SLC4A8: variants seen among roughly 807,000 people sequenced by gnomAD.
SLC4A8 encodes the protein electroneutral sodium bicarbonate exchanger 1.
A neutral mutation model predicts 125.0 loss-of-function variants in SLC4A8; 40 were observed. The observed-to-expected ratio is 0.32, with a 90% CI of 0.25 to 0.42. The LOEUF is 0.42. Ranked by LOEUF, SLC4A8 falls within the 10% of genes least tolerant of loss-of-function variation. The pLI, the probability that SLC4A8 is intolerant of heterozygous loss-of-function variation, is 1.00. For synonymous variants in SLC4A8, 456 were observed against 476.0 expected, an observed-to-expected ratio of 0.96 and a Z score of 0.55; for missense variants, 863 against 1,355.1, an observed-to-expected ratio of 0.64 and a Z score of 5.70.
chr12:51,393,960 T>C lies in SLC4A8; in HGVS notation c.-112+2472T>C, dbSNP rs148767538. 1.8e-3 allele frequency among the ~76,000 whole-genome samples: 267 copies of C among 152,326 alleles called. 1 individual carries two copies. Among genetic ancestry groups the C allele is most frequent in the Middle Eastern group, 0.01 (3 of 294 alleles). On this transcript the variant is annotated intron_variant, in intron 1 of 24. Transcript: ENST00000358657. ...GAATGAGGGCACTTCCTGTGGAAGA[T>C]TGTGGGATGCTGCCCCTCATGTCTC...
At chr12:51,452,331 G>C (rs550931077) in intron 4 of SLC4A8, 72 bp downstream of exon 4, 16 of 1,520,168 alleles carry the variant, frequency 1.1e-5, no homozygotes, top group Non-Finnish European at 1.4e-5. Context: ...CAAGTGACAG[G>C]CCTGCCTGCC....
Position 51,418,857 on chromosome 12 carries a change from T to G in SLC4A8, c.-111-21851T>G, listed in dbSNP as rs373615089. On this transcript the variant is annotated intron_variant, in intron 1 of 24. Transcript: ENST00000358657. ...ATCTATGTCAGATAATGTGCTTCAGTAATAGTTATTTTCAGAACTCCATGG... is the reference window on the plus strand; with the variant it reads ...ATCTATGTCAGATAATGTGCTTCAGGAATAGTTATTTTCAGAACTCCATGG... Among the ~76,000 whole-genome samples, 6 of 152,330 alleles carry G rather than the reference T, an allele frequency of 3.9e-5. No individual in the cohort carries two copies. The South Asian group carries it at 1.0e-3, about 26-fold the overall frequency.
At chr12:51,445,660 TC>T (rs1219076902) in intron 2 of SLC4A8, among the ~76,000 whole-genome samples, 2 of 151,938 alleles carry the variant, frequency 1.3e-5, no homozygotes. Context: ...CACTTGATCT[TC>T]CCCCTTCTTG....
Position 51,494,971 on chromosome 12 carries a change from G to A in SLC4A8, c.2796G>A (p.Gly932=). The A allele has an allele frequency of 6.2e-7, 1 of 1,614,126 alleles. No homozygotes were observed. Among genetic ancestry groups the A allele is most frequent in the Non-Finnish European group, 8.5e-7 (1 of 1,179,996 alleles). ...TCTTTGATCGTCTAAAGCTCTTTGG[G>A]ATGCCCGCAAAGCACCAGCCAGATT... ...IQFFDRLKLF[G]MPAKHQPDFI... The change falls in exon 21 of 25, where the codon GGG becomes GGA. Residue 932 remains glycine, a synonymous_variant. Coordinates refer to ENST00000453097, the MANE Select transcript of SLC4A8 (RefSeq NM_001039960.3).
chr12:51,448,815 C>T (rs1949872415), intron 2 of SLC4A8, among the ~76,000 whole-genome samples: 1 of 152,044 alleles, frequency 6.6e-6, no homozygotes, highest in South Asian at 2.1e-4. Flanking sequence ...GGGTCAGAAG[C>T]CATATGCAGA....
At chr12:51,487,245 T>C (rs1565815300) in intron 17 of SLC4A8, among the ~76,000 whole-genome samples, 1 of 152,198 alleles carries the variant, frequency 6.6e-6, no homozygotes, top group Non-Finnish European at 1.5e-5. Flanking sequence ...CTCCCTATTG[T>C]ATCACATGGC....
At chr12:51,478,479 A>G (rs1365077976) in intron 16 of SLC4A8, among the ~76,000 whole-genome samples, 7 of 152,106 alleles carry the variant, frequency 4.6e-5, no homozygotes, top group Non-Finnish European at 1.0e-4. Flanking sequence ...TTTATATGAT[A>G]TTATAAAAGA....
At chr12:51,444,935 A>T (rs1949725159) in intron 2 of SLC4A8, among the ~76,000 whole-genome samples, 1 of 152,132 alleles carries the variant, frequency 6.6e-6, no homozygotes, top group Non-Finnish European at 1.5e-5. Context: ...AGCCCAGTGG[A>T]AGTATTTGGA....
Position 51,469,802 on chromosome 12 carries a change from A to G in SLC4A8, c.1524+14A>G, listed in dbSNP as rs1218153093. The G allele has an allele frequency of 6.2e-7, 1 of 1,613,208 alleles. No homozygotes were observed. The highest frequency in any genetic ancestry group is 8.5e-7 in the Non-Finnish European group (1 of 1,179,378). On this transcript the variant is annotated intron_variant, in intron 12 of 24. Transcript: ENST00000453097. ...GAGGGACGCATAGTAAGGACTTTTA[A>G]CCACTTCTAATGATCCCAAACAAGA...
intron 5 of SLC4A8, among the ~76,000 whole-genome samples, chr12:51,456,526 A>G (rs1950155676): frequency 1.3e-5 from 2 of 152,316 alleles, no homozygotes; most frequent in South Asian, 4.1e-4. Flanking sequence ...TAAAGTGCCT[A>G]AAAGGAAATC....
intron 9 of SLC4A8, chr12:51,462,078 C>A (rs1950344145): frequency 2.0e-6 from 1 of 502,950 alleles, no homozygotes; most frequent in Non-Finnish European, 3.6e-6. Flanking sequence ...TGTCTTATCT[C>A]TTCTTATACT....
intron 1 of SLC4A8, among the ~76,000 whole-genome samples, chr12:51,406,828 C>T (rs1334658514): frequency 6.6e-6 from 1 of 152,200 alleles, no homozygotes; most frequent in Non-Finnish European, 1.5e-5. Context: ...GCTGGCAGGG[C>T]TCATTGCAGC....
At chr12:51,445,916 C>T (rs564741126) in intron 2 of SLC4A8, among the ~76,000 whole-genome samples, 1 of 152,252 alleles carries the variant, frequency 6.6e-6, no homozygotes, top group East Asian at 1.9e-4. Flanking sequence ...ATCCCCAGCC[C>T]TTGGGACAGG....
intron 1 of SLC4A8, among the ~76,000 whole-genome samples, chr12:51,417,707 G>A (rs904441461): frequency 4.6e-5 from 7 of 152,102 alleles, no homozygotes; most frequent in Non-Finnish European, 7.4e-5. Flanking sequence ...TAGTAGAGAC[G>A]GGGTTTCACT....
At chr12:51,444,424 A>G (rs1052057793) in intron 2 of SLC4A8, among the ~76,000 whole-genome samples, 1 of 152,066 alleles carries the variant, frequency 6.6e-6, no homozygotes, top group Admixed American at 6.5e-5. Flanking sequence ...TCTCTCTGAT[A>G]TTTTCAAAAG....
chr12:51,416,778 G>GT (rs1223400115), intron 1 of SLC4A8, among the ~76,000 whole-genome samples: 1 of 152,152 alleles, frequency 6.6e-6, no homozygotes, highest in Admixed American at 6.5e-5. Context: ...CTGTAGTGCT[G>GT]TATCATTCAA....
chr12:51,480,717 A>G (rs1951006488), intron 16 of SLC4A8: 2 of 587,546 alleles, frequency 3.4e-6, no homozygotes, highest in South Asian at 7.6e-5. Flanking sequence ...AAAAATTTAC[A>G]GAAAAGACTA....
At chr12:51,491,737 G>GCACACACACACACA (rs371323026) in intron 19 of SLC4A8, among the ~76,000 whole-genome samples, 7 of 126,826 alleles carry the variant, frequency 5.5e-5, no homozygotes, top group East Asian at 2.4e-4. Context: ...CTGGGGATGG[G>GCACACACACACACA]CAGACACACA....
intron 7 of SLC4A8, 125 bp from the exon 8 acceptor site, chr12:51,459,826 G>A (rs371910765): frequency 6.2e-5 from 47 of 752,306 alleles, no homozygotes; most frequent in Non-Finnish European, 8.8e-5. Context: ...CTGAGATTGC[G>A]CCACTGCACT....
Sources: gnomAD v4.1 joint callset for allele counts (sites outside exome capture counted in the v4.1 genomes callset) on GRCh38, gnomAD v4.1.1 for gene constraint, MANE v1.5 for transcripts, NCBI Gene and HGNC (gene_info 2026-07-23, HGNC 2026-07-21) for gene names.